Variants in NXN observed in about 807,000 individuals in gnomAD.
NXN encodes the protein nucleoredoxin.
Under a neutral mutation model 48.6 loss-of-function variants are expected in NXN, and 16 were observed. That is an observed-to-expected ratio of 0.33 (90% confidence interval 0.22 to 0.50). NXN has a LOEUF of 0.50. NXN is among the 20% of genes least tolerant of loss of function. The probability of loss-of-function intolerance (pLI) is 0.98; values close to 1 mark genes in which losing one functional copy is unlikely to be tolerated. For synonymous variants in NXN, 281 were observed against 269.6 expected (o/e 1.04, Z -0.41); for missense variants, 492 against 605.5 (o/e 0.81, Z 1.97).
chr17:824,042 T>A (rs1912963717), intron 2 of NXN, among the ~76,000 whole-genome samples: 1 of 150,068 alleles, frequency 6.7e-6, no homozygotes, highest in Admixed American at 6.6e-5. Context: ...GGACATTTTT[T>A]TTTTTTTTTT....
intron 1 of NXN, among the ~76,000 whole-genome samples, chr17:937,209 A>C (rs9910489): frequency 0.34 from 51,754 of 151,610 alleles, 9,045 homozygotes; most frequent in South Asian, 0.4. Flanking sequence ...GTCTCAAACT[A>C]CTGAGCTCGG....
intron 1 of NXN, among the ~76,000 whole-genome samples, chr17:899,990 G>T (rs945789074): frequency 6.6e-6 from 1 of 152,168 alleles, no homozygotes. Flanking sequence ...TGAGGGCCGG[G>T]CGTGGTGGCT....
At chr17:891,246 T>C (rs1210786931) in intron 1 of NXN, among the ~76,000 whole-genome samples, 1 of 152,054 alleles carries the variant, frequency 6.6e-6, no homozygotes, top group East Asian at 1.9e-4. Flanking sequence ...AGCTAATTTT[T>C]TGTAGAAATG....
chr17:865,062 C>T (rs1328753660), intron 1 of NXN, among the ~76,000 whole-genome samples: 1 of 152,154 alleles, frequency 6.6e-6, no homozygotes, highest in African/African-American at 2.4e-5. Context: ...CTCGTCCACA[C>T]TGATTGAACA....
intron 1 of NXN, among the ~76,000 whole-genome samples, chr17:857,276 T>A (rs890304955): frequency 7.9e-5 from 12 of 152,140 alleles, no homozygotes; most frequent in Admixed American, 2.0e-4. Flanking sequence ...CTTTTTTTTT[T>A]ATGAGACGGA....
chr17:872,321 A>G (rs965535131), intron 1 of NXN, among the ~76,000 whole-genome samples: 2 of 151,372 alleles, frequency 1.3e-5, no homozygotes, highest in African/African-American at 4.9e-5. Context: ...AGAGAGAGAG[A>G]GAGAAACATC....
At chr17:886,537 A>G (rs779137638) in intron 1 of NXN, among the ~76,000 whole-genome samples, 5 of 152,152 alleles carry the variant, frequency 3.3e-5, no homozygotes, top group Non-Finnish European at 5.9e-5. Flanking sequence ...AGCACTTTGG[A>G]AGGCCAATGT....
chr17:807,365 G>A (rs182041596), intron 5 of NXN, among the ~76,000 whole-genome samples: 9 of 152,348 alleles, frequency 5.9e-5, no homozygotes, highest in South Asian at 4.1e-4. Context: ...CGTGTGCCCC[G>A]GCGTGGGATG....
chr17:953,007 C>T (rs2069129839), intron 1 of NXN, among the ~76,000 whole-genome samples: 2 of 152,082 alleles, frequency 1.3e-5, no homozygotes, highest in Non-Finnish European at 2.9e-5. Context: ...CTAGGCTACC[C>T]CGTGTTAAAG....
intron 1 of NXN, among the ~76,000 whole-genome samples, chr17:974,138 G>A (rs778765705): frequency 2.6e-4 from 39 of 151,488 alleles, no homozygotes; most frequent in Non-Finnish European, 4.4e-4. Context: ...TCACGAGGTC[G>A]GGAGATCGAG....
chr17:828,293 G>A (rs908234844), intron 1 of NXN, among the ~76,000 whole-genome samples: 34 of 151,036 alleles, frequency 2.3e-4, no homozygotes, highest in African/African-American at 7.3e-4. Flanking sequence ...TAGTAGAGAC[G>A]GGGTTTCACC....
At chr17:820,002 C>T (rs547195622) in intron 4 of NXN, among the ~76,000 whole-genome samples, 6 of 152,302 alleles carry the variant, frequency 3.9e-5, no homozygotes, top group African/African-American at 1.2e-4. Flanking sequence ...CCTACTCAAG[C>T]GGCAGAAGCG....
chr17:895,536 GGC>G, intron 1 of NXN, among the ~76,000 whole-genome samples: 1 of 151,776 alleles, frequency 6.6e-6, no homozygotes, highest in Admixed American at 6.6e-5. Context: ...AATGTGGCCG[GGC>G]GCAGTGGCTC....
At chr17:922,811 C>A (rs1486957550) in intron 1 of NXN, among the ~76,000 whole-genome samples, 1 of 147,766 alleles carries the variant, frequency 6.8e-6, no homozygotes, top group Non-Finnish European at 1.5e-5. Context: ...GCCACCACAC[C>A]CGGCTAACTT....
At chr17:922,611 C>T (rs942776347) in intron 1 of NXN, among the ~76,000 whole-genome samples, 7 of 152,196 alleles carry the variant, frequency 4.6e-5, no homozygotes, top group East Asian at 1.9e-4. Flanking sequence ...GCCAGAGAGA[C>T]GTCAGAAGGT....
intron 1 of NXN, among the ~76,000 whole-genome samples, chr17:860,958 G>A (rs8072480): frequency 0.014 from 2,131 of 152,298 alleles, 47 homozygotes; most frequent in African/African-American, 0.048. Flanking sequence ...AACTTGACTT[G>A]TTAGGATCAC....
intron 1 of NXN, among the ~76,000 whole-genome samples, chr17:899,840 T>C (rs963582023): frequency 6.6e-6 from 1 of 152,002 alleles, no homozygotes; most frequent in African/African-American, 2.4e-5. Context: ...CAGTGAGCTA[T>C]GATCATGTCG....
chr17:837,105 G>A (rs2144691375), intron 1 of NXN, among the ~76,000 whole-genome samples: 1 of 152,214 alleles, frequency 6.6e-6, no homozygotes, highest in East Asian at 1.9e-4. Flanking sequence ...CAGCCTCCGA[G>A]GAGCTGGGAC....
intron 1 of NXN, among the ~76,000 whole-genome samples, chr17:904,927 G>A (rs1347268705): frequency 1.3e-5 from 2 of 152,062 alleles, no homozygotes; most frequent in African/African-American, 4.8e-5. Flanking sequence ...ATGACATGAA[G>A]GGTTTGGCAA....
Sources: allele counts gnomAD v4.1 joint callset (sites outside exome capture counted in the v4.1 genomes callset), GRCh38; gene constraint gnomAD v4.1.1; transcripts MANE v1.5; gene names NCBI Gene and HGNC (gene_info 2026-07-23, HGNC 2026-07-21).